The following MED12L variants were observed in gnomAD, a reference collection of about 807,000 sequenced individuals.
The protein encoded by MED12L is mediator of RNA polymerase II transcription subunit 12-like protein.
In MED12L, 60 loss-of-function variants were observed where a neutral mutation model predicts 281.3. The observed-to-expected ratio is 0.21, with a 90% CI of 0.17 to 0.26. The LOEUF is 0.26. Among genes scored for constraint, MED12L ranks in the 10% least tolerant of loss-of-function variants. MED12L has a pLI of 1.00. For missense variants in MED12L, 2,146 were observed against 2,680.9 expected, an observed-to-expected ratio of 0.80 and a Z score of 4.41; for synonymous variants, 974 against 987.2, an observed-to-expected ratio of 0.99 and a Z score of 0.25.
At chr3:151,416,119 T>C (rs879597898) in intron 42 of MED12L, among the ~76,000 whole-genome samples, 193 bp from the exon 43 acceptor site, 55 of 152,146 alleles carry the variant, frequency 3.6e-4, no homozygotes, top group Admixed American at 3.5e-3. Flanking sequence ...CTAGAAGGCT[T>C]CATGGATGAG....
At chr3:151,260,759 TAAA>T (rs1341642304) in intron 16 of MED12L, among the ~76,000 whole-genome samples, 1 of 152,242 alleles carries the variant, frequency 6.6e-6, no homozygotes, top group African/African-American at 2.4e-5. Context: ...ACCTAGTCTT[TAAA>T]AGGTAAATAA....
At chr3:151,269,397 T>TCATA (rs1553764472) in intron 16 of MED12L, 6 of 144,512 alleles carry the variant, frequency 4.2e-5, no homozygotes, top group African/African-American at 1.8e-4. Flanking sequence ...TGAAACTCCA[T>TCATA]CACACACACA....
At chr3:151,319,188 A>G (rs970649102) in intron 16 of MED12L, among the ~76,000 whole-genome samples, 3 of 152,200 alleles carry the variant, frequency 2.0e-5, no homozygotes, top group African/African-American at 7.2e-5. Flanking sequence ...TCATGAAAAA[A>G]GTGTAACACT....
chr3:151,225,096 GC>G (rs1320416009), intron 16 of MED12L, among the ~76,000 whole-genome samples: 2 of 152,078 alleles, frequency 1.3e-5, no homozygotes, highest in African/African-American at 4.8e-5. Flanking sequence ...CTTTCACCCT[GC>G]CTATTGGGCT....
At chr3:151,415,096 T>C (rs974153133) in intron 42 of MED12L, among the ~76,000 whole-genome samples, 2 of 152,244 alleles carry the variant, frequency 1.3e-5, no homozygotes, top group African/African-American at 2.4e-5. Flanking sequence ...GTTACCACAT[T>C]ATTTGTTTAC....
chr3:151,347,384 T>C (rs921352841), intron 16 of MED12L, among the ~76,000 whole-genome samples: 2 of 152,182 alleles, frequency 1.3e-5, no homozygotes, highest in Middle Eastern at 3.2e-3. Context: ...AAAACAGACA[T>C]GGAGTCTTCC....
At chr3:151,195,278 A>G (rs1394200374) in intron 16 of MED12L, among the ~76,000 whole-genome samples, 2 of 152,164 alleles carry the variant, frequency 1.3e-5, no homozygotes, top group Admixed American at 6.5e-5. Flanking sequence ...TTATTTTGGT[A>G]TTTTGGAATA....
chr3:151,131,465 G>A (rs569286673), intron 5 of MED12L, among the ~76,000 whole-genome samples: 1 of 151,954 alleles, frequency 6.6e-6, no homozygotes, highest in East Asian at 1.9e-4. Flanking sequence ...AAATTAGTAA[G>A]GTGTGGTGGT....
intron 17 of MED12L, among the ~76,000 whole-genome samples, chr3:151,351,783 G>A (rs1384696398): frequency 2.0e-5 from 3 of 152,166 alleles, no homozygotes; most frequent in Non-Finnish European, 4.4e-5. Context: ...TAGAAGGCTT[G>A]AGGGGTATGG....
intron 39 of MED12L, among the ~76,000 whole-genome samples, chr3:151,401,005 T>A (rs1244328752): frequency 6.6e-5 from 10 of 152,208 alleles, no homozygotes; most frequent in Admixed American, 3.9e-4. Flanking sequence ...ATTTAGCATT[T>A]TACTTTCTTA....
intron 40 of MED12L, 113 bp downstream of exon 40, chr3:151,409,445 C>A: frequency 1.2e-6 from 1 of 826,130 alleles, no homozygotes; most frequent in Admixed American, 2.3e-5. Context: ...AACTTGATTA[C>A]TTCTTCTACT....
chr3:151,141,757 G>A (rs1478700755), intron 5 of MED12L, among the ~76,000 whole-genome samples: 4 of 152,184 alleles, frequency 2.6e-5, no homozygotes, highest in African/African-American at 9.7e-5. Flanking sequence ...AATGAATTAA[G>A]TTTATAGTTC....
chr3:151,128,070 A>G (rs1270301737), intron 5 of MED12L, 86 bp downstream of exon 5: 1 of 1,231,960 alleles, frequency 8.1e-7, no homozygotes, highest in Non-Finnish European at 1.2e-6. Flanking sequence ...ACAGCCCAGC[A>G]TGGTGAGTGT....
intron 39 of MED12L, among the ~76,000 whole-genome samples, chr3:151,399,392 C>G (rs976114560): frequency 5.3e-5 from 8 of 152,138 alleles, no homozygotes; most frequent in Non-Finnish European, 7.3e-5. Flanking sequence ...AAAAGCATAT[C>G]AAATGGTTTA....
At chr3:151,332,917 C>T (rs541655206) in intron 16 of MED12L, among the ~76,000 whole-genome samples, 1 of 152,200 alleles carries the variant, frequency 6.6e-6, no homozygotes, top group African/African-American at 2.4e-5. Context: ...TCAATGTAGG[C>T]CCTGGTGTTT....
chr3:151,290,631 CTTG>C (rs1207309917), intron 16 of MED12L, among the ~76,000 whole-genome samples: 469 of 37,700 alleles, frequency 0.012, 1 homozygote, highest in African/African-American at 0.064. Flanking sequence ...TTATTACAGC[CTTG>C]TTTTTTTTTT....
In MED12L at chr3:151,274,123, A is replaced by G. The variant is rs1577203121; in HGVS notation, c.2251-75936A>G. 3.9e-5 allele frequency among the ~76,000 whole-genome samples: 6 copies of G among 152,376 alleles called. No individual in the cohort carries two copies. The East Asian group carries it at 1.2e-3, about 29-fold the overall frequency. Reference sequence around the variant, plus strand: ...GTGCAGATATCTGATGAACCAACCCATATTCAGAAAAAAGGCCTCGCTGCC... The same window carrying G: ...GTGCAGATATCTGATGAACCAACCCGTATTCAGAAAAAAGGCCTCGCTGCC... On this transcript the variant is annotated intron_variant, in intron 16 of 44. Transcript: ENST00000687756.
chr3:151,310,046 C>T (rs1565573), intron 16 of MED12L, among the ~76,000 whole-genome samples: 31,275 of 152,030 alleles, frequency 0.21, 3,491 homozygotes, highest in South Asian at 0.33. Context: ...GCTAATCAAA[C>T]GCTGGGCCTG....
At chr3:151,300,870 GTTA>G (rs1403821539) in intron 16 of MED12L, among the ~76,000 whole-genome samples, 5 of 152,188 alleles carry the variant, frequency 3.3e-5, no homozygotes, top group African/African-American at 1.2e-4. Context: ...TGGAGAGGCA[GTTA>G]TTATTTCTTT....
Sources: allele counts gnomAD v4.1 joint callset (sites outside exome capture counted in the v4.1 genomes callset), GRCh38; gene constraint gnomAD v4.1.1; transcripts MANE v1.5; gene names NCBI Gene and HGNC (gene_info 2026-07-23, HGNC 2026-07-21).